The following DRC8 variants were observed in gnomAD, a reference collection of about 807,000 sequenced individuals.
DRC8 encodes the protein dynein regulatory complex subunit 8.
At chr1:245,067,946 T>C in the DRC8 span, among the ~76,000 whole-genome samples, 1 of 152,328 alleles carries the variant, frequency 6.6e-6, no homozygotes, top group South Asian at 2.1e-4. Flanking sequence ...TTATTTATGT[T>C]AGATGCTGGA....
chr1:245,095,844 T>TG, the DRC8 span, among the ~76,000 whole-genome samples: 1 of 152,064 alleles, frequency 6.6e-6, no homozygotes, highest in African/African-American at 2.4e-5. Context: ...TTTAAAGTGA[T>TG]GGGGACCTAT....
chr1:245,119,382 TA>T, the DRC8 span, among the ~76,000 whole-genome samples: 1 of 146,962 alleles, frequency 6.8e-6, no homozygotes, highest in South Asian at 2.2e-4. Context: ...CCATTAAGGG[TA>T]AAGAACTGAG....
chr1:245,005,998 C>T, the DRC8 span, among the ~76,000 whole-genome samples: 2 of 152,144 alleles, frequency 1.3e-5, no homozygotes, highest in African/African-American at 2.4e-5. Flanking sequence ...TGGGACACTA[C>T]AGAGACTTCC....
the DRC8 span, among the ~76,000 whole-genome samples, chr1:245,077,781 T>A: frequency 2.0e-5 from 3 of 152,072 alleles, no homozygotes; most frequent in African/African-American, 7.2e-5. Flanking sequence ...GAAGAAAACA[T>A]AGGGAAAATG....
At chr1:244,988,352 T>A in the DRC8 span, among the ~76,000 whole-genome samples, 6 of 152,144 alleles carry the variant, frequency 3.9e-5, no homozygotes, top group African/African-American at 1.4e-4. Context: ...GGCATTTTGT[T>A]ATTATATTGA....
the DRC8 span, among the ~76,000 whole-genome samples, chr1:245,039,118 C>T: frequency 0.29 from 41,577 of 144,254 alleles, 6,206 homozygotes; most frequent in Middle Eastern, 0.36. Context: ...TTCACAATAG[C>T]CAATATAGGG....
At chr1:245,074,221 C>T in the DRC8 span, among the ~76,000 whole-genome samples, 1 of 152,210 alleles carries the variant, frequency 6.6e-6, no homozygotes, top group Non-Finnish European at 1.5e-5. Context: ...TGCTTAATCA[C>T]AACCAAGAAT....
the DRC8 span, among the ~76,000 whole-genome samples, chr1:244,976,018 C>T: frequency 2.0e-5 from 3 of 151,698 alleles, no homozygotes; most frequent in Non-Finnish European, 4.4e-5. Context: ...CTTGTAATTC[C>T]AGCACTTTGG....
chr1:245,105,998 G>C, the DRC8 span, among the ~76,000 whole-genome samples: 1 of 152,316 alleles, frequency 6.6e-6, no homozygotes, highest in East Asian at 1.9e-4. Flanking sequence ...AGGATCACTT[G>C]AGCCCAGGAG....
chr1:244,972,537 A>G, the DRC8 span, among the ~76,000 whole-genome samples: 3 of 152,124 alleles, frequency 2.0e-5, no homozygotes, highest in Non-Finnish European at 4.4e-5. Context: ...AACTTTCGAG[A>G]AGGCCGGGCG....
the DRC8 span, among the ~76,000 whole-genome samples, chr1:244,994,473 A>C: frequency 6.6e-6 from 1 of 152,150 alleles, no homozygotes; most frequent in Admixed American, 6.5e-5. Context: ...TCTGTTACCC[A>C]GGCTGGAGTG....
the DRC8 span, among the ~76,000 whole-genome samples, chr1:244,994,259 T>G: frequency 1.3e-5 from 2 of 152,192 alleles, no homozygotes; most frequent in Non-Finnish European, 2.9e-5. Context: ...TCTTTGTCAT[T>G]TTTAGTTCAG....
At chr1:244,970,928 C>G in the DRC8 span, 1 of 183,378 alleles carries the variant, frequency 5.5e-6, no homozygotes, top group African/African-American at 2.4e-5. Context: ...CTCGGTGCCG[C>G]AGGCGCCACG....
At chr1:244,990,154 C>G in the DRC8 span, among the ~76,000 whole-genome samples, 1 of 152,370 alleles carries the variant, frequency 6.6e-6, no homozygotes, top group African/African-American at 2.4e-5. Flanking sequence ...GACACTGCAT[C>G]ATGGTGCTCT....
the DRC8 span, chr1:245,002,229 CAG>C: frequency 1.4e-5 from 22 of 1,605,508 alleles, no homozygotes; most frequent in Non-Finnish European, 1.8e-5. Flanking sequence ...ATGGGGAACA[CAG>C]GGTACAGTGC....
chr1:245,100,790 A>T, the DRC8 span, among the ~76,000 whole-genome samples: 2 of 150,558 alleles, frequency 1.3e-5, no homozygotes, highest in Non-Finnish European at 3.0e-5. Flanking sequence ...TCAACAAAAT[A>T]AATAATAATA....
At chr1:245,044,392 G>A in the DRC8 span, among the ~76,000 whole-genome samples, 1 of 152,048 alleles carries the variant, frequency 6.6e-6, no homozygotes, top group Non-Finnish European at 1.5e-5. Context: ...GAGTTTATAT[G>A]TTTTTTCTCT....
the DRC8 span, among the ~76,000 whole-genome samples, chr1:244,977,638 T>A: frequency 6.6e-6 from 1 of 151,844 alleles, no homozygotes; most frequent in Non-Finnish European, 1.5e-5. Context: ...TGCTCCTTCT[T>A]GCCTGTTAAA....
the DRC8 span, among the ~76,000 whole-genome samples, chr1:244,979,292 CTTTTTTTTTTTTTTTTTTT>C: frequency 1.9e-5 from 1 of 51,370 alleles, no homozygotes; most frequent in African/African-American, 9.8e-5. Context: ...CGAAGCTTAT[CTTTTTTTTTTTTTTTTTTT>C]TTTTTTTTTT....
Sources: allele counts gnomAD v4.1 joint callset (sites outside exome capture counted in the v4.1 genomes callset), GRCh38; gene constraint gnomAD v4.1.1; transcripts MANE v1.5; gene names NCBI Gene and HGNC (gene_info 2026-07-23, HGNC 2026-07-21).